MAP2K5: variants seen among roughly 807,000 people sequenced by gnomAD.
MAP2K5 encodes dual specificity mitogen-activated protein kinase kinase 5.
MAP2K5 carries 49 observed loss-of-function variants against 83.1 expected under a neutral mutation model. The observed-to-expected ratio is 0.59, with a 90% CI of 0.47 to 0.75. MAP2K5 has a LOEUF of 0.75. Among genes scored for constraint, MAP2K5 ranks in the 30% least tolerant of loss-of-function variants. The probability of loss-of-function intolerance (pLI) is 0.00; values close to 1 mark genes in which losing one functional copy is unlikely to be tolerated. For missense variants in MAP2K5, 457 were observed against 557.5 expected (o/e 0.82, Z 1.82); for synonymous variants, 202 against 191.8 (o/e 1.05, Z -0.44).
At chr15:67,575,465 C>T (rs2085035505) in intron 3 of MAP2K5, among the ~76,000 whole-genome samples, 4 of 152,094 alleles carry the variant, frequency 2.6e-5, no homozygotes, top group Admixed American at 2.6e-4. Flanking sequence ...CACTGCTTCG[C>T]CAGCCTCTGA....
intron 19 of MAP2K5, among the ~76,000 whole-genome samples, chr15:67,767,448 A>G (rs1466344991): frequency 6.6e-6 from 1 of 152,194 alleles, no homozygotes; most frequent in Non-Finnish European, 1.5e-5. Flanking sequence ...ACTACTACTC[A>G]GATACTTTCA....
intron 9 of MAP2K5, among the ~76,000 whole-genome samples, chr15:67,639,478 A>T (rs1271861565): frequency 6.6e-6 from 1 of 152,214 alleles, no homozygotes; most frequent in East Asian, 1.9e-4. Flanking sequence ...AACTTGCCCA[A>T]GGTCCCACAA....
intron 15 of MAP2K5, among the ~76,000 whole-genome samples, chr15:67,697,116 T>A (rs1266878616): frequency 6.6e-6 from 1 of 152,026 alleles, no homozygotes; most frequent in Non-Finnish European, 1.5e-5. Context: ...AAGGCATGGG[T>A]GAGGGTGAAG....
At position 67,652,127 on chromosome 15, in the gene MAP2K5, A is replaced by C. The variant is rs184454356; in HGVS notation, c.736+5658A>C. Among the ~76,000 whole-genome samples the C allele has an allele frequency of 9.2e-5, 14 of 152,214 alleles. No individual in the cohort carries two copies. The highest frequency in any genetic ancestry group is 1.3e-4 in the Non-Finnish European group (9 of 68,008). Reference sequence around the variant, plus strand: ...TCCCTGGTGATTAGTGATGTCAAACATTTTTTCAAATGCCTTACGTTGATT... The same window carrying C: ...TCCCTGGTGATTAGTGATGTCAAACCTTTTTTCAAATGCCTTACGTTGATT... On this transcript the variant is annotated intron_variant, in intron 11 of 21. Coordinates refer to ENST00000178640, the MANE Select transcript of MAP2K5 (RefSeq NM_145160.3). The surrounding 1 kb of genome is among the most constrained non-coding windows in gnomAD (Gnocchi z 4.2).
chr15:67,618,203 C>T (rs1230159990), intron 8 of MAP2K5, among the ~76,000 whole-genome samples: 2 of 152,166 alleles, frequency 1.3e-5, no homozygotes, highest in Non-Finnish European at 2.9e-5. Flanking sequence ...AAATCAGTCA[C>T]ATGTTTTCTG....
At chr15:67,679,655 A>G (rs1236348632) in intron 13 of MAP2K5, 1 of 152,198 alleles carries the variant, frequency 6.6e-6, no homozygotes, top group Admixed American at 6.5e-5. Context: ...CCATTGATAT[A>G]TAGTATATGT....
chr15:67,581,151 G>A (rs138143099), intron 4 of MAP2K5, among the ~76,000 whole-genome samples: 3,343 of 152,274 alleles, frequency 0.022, 46 homozygotes, highest in Middle Eastern at 0.054. Flanking sequence ...TTTATAAATT[G>A]TGGCTCATGA....
chr15:67,632,518 A>G (rs1330923501), intron 9 of MAP2K5, among the ~76,000 whole-genome samples: 1 of 152,224 alleles, frequency 6.6e-6, no homozygotes, highest in Non-Finnish European at 1.5e-5. Flanking sequence ...CAGAGTTGGA[A>G]GGGGTAAGGC....
At chr15:67,664,526 A>T in intron 12 of MAP2K5, 71 bp from the exon 13 acceptor site, 1 of 1,004,248 alleles carries the variant, frequency 1.0e-6, no homozygotes. Context: ...TGTTGAATGT[A>T]TTTAAATATG....
intron 1 of MAP2K5, chr15:67,549,274 A>C: frequency 7.4e-7 from 1 of 1,355,598 alleles, no homozygotes; most frequent in Non-Finnish European, 1.0e-6. Context: ...TTTCAACTTT[A>C]TAGATTTATT....
rs749268871 is a variant in MAP2K5 at position 67,640,459 on chromosome 15, A to T, written c.586-5772A>T. 4.3e-5 allele frequency: 12 copies of T among 281,824 alleles called. No individual in the cohort carries two copies. The highest frequency in any genetic ancestry group is 6.4e-5 in the Non-Finnish European group (12 of 186,692). The allele number at this position is 281,824 out of a possible 1,614,324, so 17.5% of individuals were successfully genotyped here. ...TCCTGACTTTTGTGTGACTTCAAGC[A>T]TGTCACTTGAACCTCCCAGTGACCT... On this transcript the variant is annotated intron_variant, in intron 9 of 21. Coordinates refer to ENST00000178640, the MANE Select transcript of MAP2K5 (RefSeq NM_145160.3). This position sits in a 1 kb window ranked among gnomAD's most constrained non-coding sequence, Gnocchi z 4.6.
intron 13 of MAP2K5, among the ~76,000 whole-genome samples, chr15:67,680,852 C>T (rs1401603751): frequency 6.6e-6 from 1 of 152,156 alleles, no homozygotes; most frequent in Non-Finnish European, 1.5e-5. Context: ...AATGTTAACT[C>T]GTCTGTGATC....
At chr15:67,569,129 T>A (rs561752376) in intron 3 of MAP2K5, among the ~76,000 whole-genome samples, 1 of 152,280 alleles carries the variant, frequency 6.6e-6, no homozygotes, top group African/African-American at 2.4e-5. Context: ...ATTTAGAAGT[T>A]GAATATTTAA....
chr15:67,549,275 T>C (rs377438204), intron 1 of MAP2K5: 27 of 1,333,510 alleles, frequency 2.0e-5, no homozygotes, highest in East Asian at 2.0e-4. Flanking sequence ...TTCAACTTTA[T>C]AGATTTATTT....
At chr15:67,633,271 T>G (rs1305015377) in intron 9 of MAP2K5, among the ~76,000 whole-genome samples, 1 of 152,226 alleles carries the variant, frequency 6.6e-6, no homozygotes, top group African/African-American at 2.4e-5. Context: ...GTTACTTTTT[T>G]GTTCCTTTTA....
At chr15:67,744,232 G>A (rs1271832035) in intron 17 of MAP2K5, among the ~76,000 whole-genome samples, 1 of 152,018 alleles carries the variant, frequency 6.6e-6, no homozygotes, top group Admixed American at 6.5e-5. Flanking sequence ...GAGAGTCCTT[G>A]CAAAATAGCC....
In MAP2K5 at chr15:67,746,141, A is replaced by G. The variant is rs1252223492; in HGVS notation, c.1075-2090A>G. 6.6e-6 allele frequency among the ~76,000 whole-genome samples: 1 copy of G among 152,240 alleles called. No homozygotes were observed. The highest frequency in any genetic ancestry group is 1.5e-5 in the Non-Finnish European group (1 of 68,044). On this transcript the variant is annotated intron_variant, in intron 17 of 21. Coordinates refer to ENST00000178640, the MANE Select transcript of MAP2K5 (RefSeq NM_145160.3). This position sits in a 1 kb window ranked among gnomAD's most constrained non-coding sequence, Gnocchi z 4.1. Reference sequence around the variant, plus strand: ...TTTAACCTGCAAAATAGGGCAAACTAGAGACTTTAAGACCTCAGTTCATGA... The same window carrying G: ...TTTAACCTGCAAAATAGGGCAAACTGGAGACTTTAAGACCTCAGTTCATGA...
At chr15:67,684,630 A>G (rs2087904323) in intron 13 of MAP2K5, among the ~76,000 whole-genome samples, 1 of 152,216 alleles carries the variant, frequency 6.6e-6, no homozygotes, top group African/African-American at 2.4e-5. Flanking sequence ...CTGTAGAAAT[A>G]GATGCCCCCC....
Position 67,748,246 on chromosome 15 carries a change from G to C in MAP2K5, c.1090G>C (p.Gly364Arg). Reference sequence around the variant, plus strand: ...CTTTTTTCAGATTCAGAAAAACCAGGGATCTTTAATGGTAAGCTTTATGAG... The same window carrying C: ...CTTTTTTCAGATTCAGAAAAACCAGCGATCTTTAATGGTAAGCTTTATGAG... Reference protein sequence around the residue: ...FPYPQIQKNQGSLMPLQLLQC... With the variant: ...FPYPQIQKNQRSLMPLQLLQC... The change falls in exon 18 of 22, where the codon GGA becomes CGA. Residue 364 changes from glycine to arginine, a missense_variant. Around this residue, in one of 3 missense-constraint regions of MAP2K5, gnomAD observed 168 missense variants for 263.0 expected, o/e 0.64. Coordinates refer to ENST00000178640, the MANE Select transcript of MAP2K5 (RefSeq NM_145160.3). The surrounding 1 kb of genome is among the most constrained non-coding windows in gnomAD (Gnocchi z 4.0). 1 of 1,607,726 alleles carries C rather than the reference G, an allele frequency of 6.2e-7. No individual in the cohort carries two copies. The highest frequency in any genetic ancestry group is 8.5e-7 in the Non-Finnish European group (1 of 1,174,988).
Sources: allele counts gnomAD v4.1 joint callset (sites outside exome capture counted in the v4.1 genomes callset), GRCh38; gene constraint gnomAD v4.1.1; regional missense constraint gnomAD v4.1.1; non-coding constraint Gnocchi (gnomAD v3.1); transcripts MANE v1.5; gene names NCBI Gene and HGNC (gene_info 2026-07-23, HGNC 2026-07-21).